VPS39: variants seen among roughly 807,000 people sequenced by gnomAD.
The protein encoded by VPS39 is VPS39 subunit of HOPS complex.
In VPS39, 70 loss-of-function variants were observed where a neutral mutation model predicts 121.0. The observed-to-expected ratio is 0.58, with a 90% CI of 0.48 to 0.71. The LOEUF (loss-of-function observed/expected upper bound fraction) is 0.71, where lower values mean the gene tolerates loss of function less well. VPS39 is among the 30% of genes least tolerant of loss of function. The pLI, the probability that VPS39 is intolerant of heterozygous loss-of-function variation, is 0.00. For synonymous variants in VPS39, 378 were observed against 398.1 expected (o/e 0.95, Z 0.60); for missense variants, 818 against 1,051.5 (o/e 0.78, Z 3.07).
Position 42,166,931 on chromosome 15 carries a change from G to A in VPS39, c.1378-18C>T, listed in dbSNP as rs1231178072. ...ACATTTGTCTGCAGAAAGAGCAGGA[G>A]TTCAGTGGAAACTGCTTCCTGGGGA... is the stretch of plus-strand genomic sequence containing the variant. On this transcript the variant is annotated intron_variant, in intron 13 of 24. Transcript: ENST00000318006. 6.2e-7 allele frequency: 1 copy of A among 1,613,866 alleles called. No individual in the cohort carries two copies. The highest frequency in any genetic ancestry group is 2.2e-5 in the East Asian group (1 of 44,884).
At chr15:42,187,190 G>T in intron 7 of VPS39, 81 bp downstream of exon 7, 1 of 1,093,716 alleles carries the variant, frequency 9.1e-7, no homozygotes, top group Non-Finnish European at 1.3e-6. Context: ...ACTTAAAGTG[G>T]TCGCTTGACC....
chr15:42,200,448 A>G (rs2050043939), intron 1 of VPS39, among the ~76,000 whole-genome samples: 1 of 152,268 alleles, frequency 6.6e-6, no homozygotes, highest in Non-Finnish European at 1.5e-5. Flanking sequence ...ATAATAGCTA[A>G]GAGGCATCCT....
chr15:42,183,652 ACCTAGTC>A (rs1253339288), intron 8 of VPS39, among the ~76,000 whole-genome samples: 1 of 152,172 alleles, frequency 6.6e-6, no homozygotes, highest in Non-Finnish European at 1.5e-5. Context: ...TCCCTGCCTG[ACCTAGTC>A]CATAGTTCAG....
intron 2 of VPS39, among the ~76,000 whole-genome samples, chr15:42,199,086 A>G (rs536263585): frequency 6.6e-6 from 1 of 152,222 alleles, no homozygotes; most frequent in Admixed American, 6.5e-5. Flanking sequence ...GCTATTTACC[A>G]GAGAAATATA....
intron 18 of VPS39, chr15:42,164,692 AGAGAAATAC>A: frequency 7.0e-7 from 1 of 1,434,576 alleles, no homozygotes; most frequent in South Asian, 1.5e-5. Context: ...TAAGCTGAAT[AGAGAAATAC>A]TCTGTGGGCA....
chr15:42,185,418 C>T (rs1275048638), intron 7 of VPS39, among the ~76,000 whole-genome samples: 2 of 151,908 alleles, frequency 1.3e-5, no homozygotes, highest in East Asian at 1.9e-4. Flanking sequence ...CTCCTGACCT[C>T]GTGATCCACC....
chr15:42,161,303 C>G (rs368899504), intron 24 of VPS39: 6 of 386,736 alleles, frequency 1.6e-5, no homozygotes, highest in East Asian at 6.2e-5. Flanking sequence ...GAGTCTGGCT[C>G]AGGATCCTAC....
chr15:42,206,741 A>G (rs935923855), intron 1 of VPS39, among the ~76,000 whole-genome samples: 4 of 152,204 alleles, frequency 2.6e-5, no homozygotes, highest in African/African-American at 9.6e-5. Context: ...TGTGTGTCCT[A>G]GGAGCACAGG....
At chr15:42,191,942 G>A (rs1595675443) in intron 2 of VPS39, 3 of 1,165,174 alleles carry the variant, frequency 2.6e-6, no homozygotes, top group Non-Finnish European at 3.6e-6. Flanking sequence ...CCAGCCCAAA[G>A]CATCCTTAGA....
In VPS39 at chr15:42,184,629, C is replaced by G; in HGVS notation, c.606G>C (p.Leu202=). 1 of 1,614,158 alleles carries G rather than the reference C, an allele frequency of 6.2e-7. No homozygotes were observed. Among genetic ancestry groups the G allele is most frequent in the Non-Finnish European group, 8.5e-7 (1 of 1,180,024 alleles). The change falls in exon 8 of 25, where the codon CTG becomes CTC. Residue 202 remains leucine (L), a synonymous_variant. Transcript: ENST00000318006. ...GGCCCACAGCCACTTTTCCATCTGC[C>G]AGAGGTGCAACTAAGGGCTCCAGCT... ...GKQLEPLVAP[L]ADGKVAVGQD... is the part of the protein sequence containing the mutation.
rs372868471 is a variant in VPS39, at chr15:42,162,511, G to T, written c.2176-30C>A. 21 of 1,565,214 alleles carry T rather than the reference G, an allele frequency of 1.3e-5. No individual in the cohort carries two copies. The African/African-American group carries it at 2.2e-4, about 16-fold the overall frequency. On this transcript the variant is annotated intron_variant, in intron 21 of 24. Coordinates refer to ENST00000318006, the MANE Select transcript of VPS39 (RefSeq NM_015289.5). The stretch of plus-strand genomic sequence containing the variant: ...CTCAGAGAGACATGAGCTACGTCAG[G>T]CTGGCAGCAACCCTCCCAGAACCCC...
chr15:42,199,720 G>T (rs2050025353), intron 2 of VPS39, 176 bp downstream of exon 2: 5 of 612,986 alleles, frequency 8.2e-6, no homozygotes, highest in Non-Finnish European at 1.4e-5. Context: ...TGCAGGTAGG[G>T]CAATACAATT....
rs1244444555 is a variant in VPS39 at position 42,208,068 on chromosome 15, C to T, written c.73+13G>A. On this transcript the variant is annotated intron_variant, in intron 1 of 24. Coordinates refer to ENST00000318006, the MANE Select transcript of VPS39 (RefSeq NM_015289.5). ...TGCTGACTCCGCCTCGGCCCCGCGGCCCCTCGGCTCACCCCAGGCAGCCAG... is the reference window on the plus strand; with the variant it reads ...TGCTGACTCCGCCTCGGCCCCGCGGTCCCTCGGCTCACCCCAGGCAGCCAG... The T allele has an allele frequency of 1.7e-5, 26 of 1,572,190 alleles. No individual in the cohort carries two copies. Among genetic ancestry groups the T allele is most frequent in the Non-Finnish European group, 2.0e-5 (23 of 1,158,174 alleles).
chr15:42,176,644 A>G (rs2049457733), intron 10 of VPS39, among the ~76,000 whole-genome samples: 1 of 152,200 alleles, frequency 6.6e-6, no homozygotes, highest in Non-Finnish European at 1.5e-5. Context: ...TAAGAAAGCA[A>G]TCATCTTTAT....
chr15:42,199,990 A>C, intron 1 of VPS39, 29 bp from the exon 2 acceptor site: 2 of 1,550,972 alleles, frequency 1.3e-6, no homozygotes, highest in Non-Finnish European at 8.6e-7. Context: ...ACAAAAACAA[A>C]AACAAAAAAA....
Position 42,208,172 on chromosome 15 carries a change from G to C in VPS39, c.-19C>G. Reference sequence around the variant, plus strand: ...CGTGCATGGCGGCAAGGGGAGAGTTGCCACCGCCGTCTCGCCCAGAGTGTT... The same window carrying C: ...CGTGCATGGCGGCAAGGGGAGAGTTCCCACCGCCGTCTCGCCCAGAGTGTT... On this transcript the variant is annotated 5_prime_UTR_variant, in exon 1 of 25. Transcript: ENST00000318006. 6.4e-7 allele frequency: 1 copy of C among 1,561,046 alleles called. No homozygotes were observed. Among genetic ancestry groups the C allele is most frequent in the Non-Finnish European group, 8.7e-7 (1 of 1,152,606 alleles).
At chr15:42,198,883 G>A (rs777589019) in intron 2 of VPS39, among the ~76,000 whole-genome samples, 1 of 152,194 alleles carries the variant, frequency 6.6e-6, no homozygotes, top group Admixed American at 6.5e-5. Flanking sequence ...CCCTGATTTA[G>A]AGGACAGTTG....
chr15:42,180,948 A>C (rs2049568785), intron 8 of VPS39, among the ~76,000 whole-genome samples: 1 of 152,196 alleles, frequency 6.6e-6, no homozygotes, highest in African/African-American at 2.4e-5. Flanking sequence ...CCGCTATGGA[A>C]AACAGTATGG....
At chr15:42,188,995 T>C (rs1020956905) in intron 5 of VPS39, 119 bp downstream of exon 5, 8 of 717,454 alleles carry the variant, frequency 1.1e-5, no homozygotes, top group Admixed American at 2.5e-5. Flanking sequence ...AAATAATCTT[T>C]GGAGTCTCTG....
Sources: allele counts gnomAD v4.1 joint callset (sites outside exome capture counted in the v4.1 genomes callset), GRCh38; gene constraint gnomAD v4.1.1; transcripts MANE v1.5; gene names NCBI Gene and HGNC (gene_info 2026-07-23, HGNC 2026-07-21).